The following DMD variants were observed in gnomAD, a reference collection of about 807,000 sequenced individuals.
DMD encodes the protein mutant dystrophin.
In DMD, 63 loss-of-function variants were observed where a neutral mutation model predicts 330.1. The ratio of observed to expected loss-of-function variants is 0.19; its 90% CI spans 0.16 to 0.24. DMD has a LOEUF of 0.24. Among genes scored for constraint, DMD ranks in the 10% least tolerant of loss-of-function variants. The probability of loss-of-function intolerance (pLI) is 1.00; values close to 1 mark genes in which losing one functional copy is unlikely to be tolerated. For missense variants in DMD, 3,344 were observed against 2,684.1 expected, an observed-to-expected ratio of 1.25 and a Z score of -5.43; for synonymous variants, 1,223 against 959.8, an observed-to-expected ratio of 1.27 and a Z score of -5.07.
intron 20 of DMD, among the ~76,000 whole-genome samples, chrX:32,488,473 G>A (rs1243617474): frequency 3.6e-5 from 4 of 111,181 alleles, no homozygotes; most frequent in Admixed American, 9.6e-5. Flanking sequence ...AAAATAAAAC[G>A]CTGAGAAACA....
chrX:32,080,883 T>C (rs896695267), intron 44 of DMD, among the ~76,000 whole-genome samples: 5 of 112,158 alleles, frequency 4.5e-5, no homozygotes, highest in Non-Finnish European at 9.4e-5. Flanking sequence ...TGAAGGGTCA[T>C]TCGAAGCTCT....
chrX:33,231,580 G>A (rs2052388635), intron 1 of DMD, among the ~76,000 whole-genome samples: 1 of 111,561 alleles, frequency 9.0e-6, no homozygotes, highest in South Asian at 3.7e-4. Flanking sequence ...CAATAAAACA[G>A]TACAAAGGAA....
At chrX:32,866,769 T>C (rs2082544661) in intron 2 of DMD, among the ~76,000 whole-genome samples, 1 of 104,913 alleles carries the variant, frequency 9.5e-6, no homozygotes, top group Non-Finnish European at 2.0e-5. Context: ...AGTTTCACTC[T>C]TTCGCCCAGC....
At chrX:32,618,501 G>T (rs745787487) in intron 11 of DMD, among the ~76,000 whole-genome samples, 10 of 110,821 alleles carry the variant, frequency 9.0e-5, no homozygotes, top group South Asian at 7.7e-4. Flanking sequence ...ACAGACATGG[G>T]GCCTATTGGA....
At chrX:32,595,018 A>T (rs1375431402) in intron 13 of DMD, among the ~76,000 whole-genome samples, 2 of 111,792 alleles carry the variant, frequency 1.8e-5, no homozygotes, top group African/African-American at 6.5e-5. Context: ...TTAAAGTCAC[A>T]TGACACTACA....
At chrX:31,214,012 G>A (rs761436239) in intron 64 of DMD, among the ~76,000 whole-genome samples, 1 of 108,628 alleles carries the variant, frequency 9.2e-6, no homozygotes, top group South Asian at 3.9e-4. Flanking sequence ...TAACAAAATG[G>A]ATTAGGAGGC....
At chrX:33,208,786 T>C (rs1174881881) in intron 1 of DMD, among the ~76,000 whole-genome samples, 1 of 110,968 alleles carries the variant, frequency 9.0e-6, no homozygotes, top group Non-Finnish European at 1.9e-5. Flanking sequence ...ATAAATCATT[T>C]TTAATAAGTT....
At chrX:32,141,628 A>T (rs1295285141) in intron 44 of DMD, among the ~76,000 whole-genome samples, 1 of 109,573 alleles carries the variant, frequency 9.1e-6, no homozygotes, top group Non-Finnish European at 1.9e-5. Context: ...AACTATTTTT[A>T]AAATTTTATT....
intron 47 of DMD, among the ~76,000 whole-genome samples, chrX:31,913,450 T>C (rs1427894021): frequency 1.8e-5 from 2 of 112,055 alleles, no homozygotes; most frequent in South Asian, 3.7e-4. Context: ...GTGTCTCTCT[T>C]CCTGTTTCCT....
chrX:31,948,023 GT>G (rs2095111614), intron 45 of DMD, among the ~76,000 whole-genome samples: 1 of 110,914 alleles, frequency 9.0e-6, no homozygotes, highest in African/African-American at 3.3e-5. Context: ...GCAACTCCCA[GT>G]TCCCCCTTCG....
At chrX:31,815,733 G>C (rs1436993679) in intron 50 of DMD, among the ~76,000 whole-genome samples, 1 of 111,487 alleles carries the variant, frequency 9.0e-6, no homozygotes, top group Non-Finnish European at 1.9e-5. Context: ...CCTTTCACGA[G>C]ATGAAGTAAT....
intron 65 of DMD, among the ~76,000 whole-genome samples, chrX:31,207,415 TG>T (rs1431072555): frequency 9.0e-6 from 1 of 110,896 alleles, no homozygotes; most frequent in African/African-American, 3.3e-5. Flanking sequence ...ATTTTATCCA[TG>T]GGGGAAAAAA....
chrX:33,157,153 C>T (rs1260132554), intron 1 of DMD, among the ~76,000 whole-genome samples: 1 of 111,229 alleles, frequency 9.0e-6, no homozygotes, highest in Non-Finnish European at 1.9e-5. Flanking sequence ...ATATTGTCTC[C>T]CAGTTCTGGT....
At chrX:31,838,971 C>T (rs1352657690) in intron 48 of DMD, among the ~76,000 whole-genome samples, 1 of 111,807 alleles carries the variant, frequency 8.9e-6, no homozygotes, top group Non-Finnish European at 1.9e-5. Context: ...TATTTCTAAG[C>T]ATTAAGAAAT....
intron 29 of DMD, among the ~76,000 whole-genome samples, chrX:32,417,038 T>C (rs2098168764): frequency 8.9e-6 from 1 of 112,259 alleles, no homozygotes; most frequent in South Asian, 3.6e-4. Context: ...CCTCCTGACC[T>C]AACTCTTCTA....
At chrX:31,263,355 T>C (rs1029250217) in intron 62 of DMD, among the ~76,000 whole-genome samples, 2 of 112,594 alleles carry the variant, frequency 1.8e-5, no homozygotes, top group South Asian at 3.7e-4. Context: ...GAGGGCTTCA[T>C]GGAGCTCCCC....
At chrX:33,134,752 T>C (rs907865095) in intron 1 of DMD, among the ~76,000 whole-genome samples, 6 of 111,761 alleles carry the variant, frequency 5.4e-5, no homozygotes, top group Non-Finnish European at 1.1e-4. Flanking sequence ...AATTAATTAA[T>C]TTTTAAAAAA....
intron 56 of DMD, among the ~76,000 whole-genome samples, chrX:31,501,700 A>G (rs138880822): frequency 0.037 from 4,110 of 112,003 alleles, 144 homozygotes; most frequent in African/African-American, 0.11. Context: ...GTTAATGCCT[A>G]GTTTGAAATC....
intron 43 of DMD, among the ~76,000 whole-genome samples, chrX:32,248,285 T>G (rs1355304955): frequency 9.0e-6 from 1 of 111,690 alleles, no homozygotes; most frequent in African/African-American, 3.2e-5. Context: ...TTATCTCATA[T>G]TTGTGGTAGA....
Sources: gnomAD v4.1 joint callset for allele counts (sites outside exome capture counted in the v4.1 genomes callset) on GRCh38, gnomAD v4.1.1 for gene constraint, MANE v1.5 for transcripts, NCBI Gene and HGNC (gene_info 2026-07-23, HGNC 2026-07-21) for gene names.